Variants in ACACB observed in about 807,000 individuals in gnomAD.
ACACB encodes acetyl-CoA carboxylase 2.
In ACACB, 209 loss-of-function variants were observed where a neutral mutation model predicts 278.8. The observed-to-expected ratio is 0.75, with a 90% CI of 0.67 to 0.84. ACACB has a LOEUF of 0.84. Ranked by LOEUF, ACACB falls within the 40% of genes least tolerant of loss-of-function variation. The probability of loss-of-function intolerance (pLI) is 0.00; values close to 1 mark genes in which losing one functional copy is unlikely to be tolerated. For synonymous variants in ACACB, 1,174 were observed against 1,285.6 expected (o/e 0.91, Z 1.86); for missense variants, 2,850 against 3,269.0 (o/e 0.87, Z 3.13).
intron 27 of ACACB, among the ~76,000 whole-genome samples, chr12:109,226,773 C>G (rs868716971): frequency 6.6e-6 from 1 of 151,440 alleles, no homozygotes; most frequent in South Asian, 2.1e-4. Context: ...TACGTCCGTG[C>G]TAACAGCAGA....
At chr12:109,182,584 G>T (rs979473172) in intron 11 of ACACB, among the ~76,000 whole-genome samples, 6 of 151,922 alleles carry the variant, frequency 3.9e-5, no homozygotes, top group Non-Finnish European at 7.4e-5. Context: ...TGTCTAGGCT[G>T]GTCTCAAACT....
Position 109,141,050 on chromosome 12 carries a change from C to T in ACACB, c.653+992C>T, listed in dbSNP as rs190563408. Among the ~76,000 whole-genome samples, 1,311 of 151,968 alleles carry T rather than the reference C, an allele frequency of 8.6e-3. 25 individuals carry two copies. The highest frequency in any genetic ancestry group is 0.011 in the Non-Finnish European group (779 of 67,958). On this transcript the variant is annotated intron_variant, in intron 2 of 52. Coordinates refer to ENST00000338432, the MANE Select transcript of ACACB (RefSeq NM_001093.4). The stretch of plus-strand genomic sequence containing the variant: ...CTGGGTAGCTGGGACTACAGGTGTG[C>T]ACCACCACACCTAGCTAATTTTTAA...
At chr12:109,188,232 T>TCTTC in intron 13 of ACACB, 70 bp downstream of exon 13, 1 of 1,387,094 alleles carries the variant, frequency 7.2e-7, no homozygotes, top group South Asian at 1.3e-5. Context: ...CTTCCTTCCT[T>TCTTC]CCCTCTCTCC....
chr12:109,111,912 A>G (rs2042302578), upstream of ACACB, among the ~76,000 whole-genome samples: 2 of 152,198 alleles, frequency 1.3e-5, no homozygotes, highest in East Asian at 1.9e-4. Flanking sequence ...GTGGTCAGCA[A>G]GCTGGCTTTC....
chr12:109,140,658 A>G (rs1220248861), intron 2 of ACACB, among the ~76,000 whole-genome samples: 1 of 152,180 alleles, frequency 6.6e-6, no homozygotes, highest in African/African-American at 2.4e-5. Flanking sequence ...CCTTGTCTCA[A>G]AAAAGGAAAA....
Position 109,266,958 on chromosome 12 carries a change from G to C in ACACB, c.*596G>C, listed in dbSNP as rs1202265913. On this transcript the variant is annotated 3_prime_UTR_variant, in exon 53 of 53. Coordinates refer to ENST00000338432, the MANE Select transcript of ACACB (RefSeq NM_001093.4). ...CTCACTGTGTCATGCAGGCTGGAGT[G>C]CAGTGGCATGATCTCACTGCAACCT... The C allele has an allele frequency of 6.9e-6, 1 of 145,558 alleles. No homozygotes were observed. Among genetic ancestry groups the C allele is most frequent in the Admixed American group, 7.1e-5 (1 of 14,156 alleles). 9.0% of individuals were successfully genotyped at this position (145,558 alleles called of 1,614,324 possible). A position where few individuals can be genotyped will look rare whatever the true frequency, so the allele number is the denominator to read the frequency against.
At position 109,166,858 on chromosome 12, in the gene ACACB, C is replaced by T. The variant is rs2043923003; in HGVS notation, c.654-3C>T. 1.2e-6 allele frequency: 2 copies of T among 1,613,942 alleles called. No individual in the cohort carries two copies. The highest frequency in any genetic ancestry group is 1.3e-5 in the African/African-American group (1 of 74,960). On this transcript the variant is annotated splice_region_variant and splice_polypyrimidine_tract_variant and intron_variant, in intron 2 of 52. Coordinates refer to ENST00000338432, the MANE Select transcript of ACACB (RefSeq NM_001093.4). The stretch of plus-strand genomic sequence containing the variant: ...ACGTCTGTCCCTCATTCTTATTCTG[C>T]AGGCCGAGCATGTCGGGACTCCACC...
rs751436233 is a variant in ACACB at position 109,264,281 on chromosome 12, A to G, written c.6837A>G (p.Leu2279=). 14 of 1,614,058 alleles carry G rather than the reference A, an allele frequency of 8.7e-6. No homozygotes were observed. The highest frequency in any genetic ancestry group is 2.2e-5 in the South Asian group (2 of 91,088). Residue 2279 remains leucine, a synonymous_variant, in exon 50 of 53, where the codon CTA becomes CTG. Coordinates refer to ENST00000338432, the MANE Select transcript of ACACB (RefSeq NM_001093.4). The stretch of plus-strand genomic sequence containing the variant: ...ACCGAAAGGACCTGGAGGGCCGGCT[A>G]AAGGCTCGCGAGGACCTGCTGCTCC... The part of the protein sequence containing the change: ...DKDRKDLEGR[L]KAREDLLLPI...
intron 11 of ACACB, among the ~76,000 whole-genome samples, chr12:109,183,646 T>G (rs2044555015): frequency 6.6e-6 from 1 of 152,354 alleles, no homozygotes; most frequent in East Asian, 1.9e-4. Flanking sequence ...TCCTGTAGAT[T>G]TACTGAATTT....
chr12:109,144,745 TC>T (rs2136047894), intron 2 of ACACB, among the ~76,000 whole-genome samples: 2 of 46,562 alleles, frequency 4.3e-5, no homozygotes, highest in African/African-American at 6.5e-5. Context: ...TCTTTTTCTT[TC>T]TTTCTTTCTT....
intron 16 of ACACB, 68 bp from the exon 17 acceptor site, chr12:109,196,940 G>A: frequency 6.9e-7 from 1 of 1,452,418 alleles, no homozygotes; most frequent in Non-Finnish European, 9.0e-7. Flanking sequence ...TTTGTTGTTA[G>A]CGGGGCCCAG....
At chr12:109,244,308 C>A (rs1012902990) in intron 37 of ACACB, among the ~76,000 whole-genome samples, 2 of 152,136 alleles carry the variant, frequency 1.3e-5, no homozygotes, top group African/African-American at 4.8e-5. Flanking sequence ...GGCCTCAGCT[C>A]GAATGCTGGA....
chr12:109,202,346 G>T (rs189667993), intron 19 of ACACB, among the ~76,000 whole-genome samples: 1 of 151,648 alleles, frequency 6.6e-6, no homozygotes, highest in Non-Finnish European at 1.5e-5. Context: ...ACAGACTCTC[G>T]CTCTGTCGCC....
intron 11 of ACACB, among the ~76,000 whole-genome samples, chr12:109,184,698 G>A (rs900212624): frequency 1.3e-5 from 2 of 150,624 alleles, no homozygotes; most frequent in Non-Finnish European, 2.9e-5. Context: ...CTTGACATTG[G>A]CATTAAAATT....
chr12:109,222,692 A>T (rs1489104215), intron 25 of ACACB, 72 bp downstream of exon 25: 2 of 1,521,082 alleles, frequency 1.3e-6, no homozygotes, highest in Non-Finnish European at 1.8e-6. Flanking sequence ...TACCGTGCTC[A>T]GCCCTCACCA....
chr12:109,202,639 T>C (rs1363738344), intron 19 of ACACB, among the ~76,000 whole-genome samples: 1 of 152,194 alleles, frequency 6.6e-6, no homozygotes, highest in Non-Finnish European at 1.5e-5. Flanking sequence ...TTGTTATCAA[T>C]TTACTGTTAT....
At chr12:109,209,836 T>C (rs972889912) in intron 21 of ACACB, among the ~76,000 whole-genome samples, 2 of 143,138 alleles carry the variant, frequency 1.4e-5, no homozygotes, top group South Asian at 2.2e-4. Flanking sequence ...TATATACACA[T>C]ACACACACGT....
At chr12:109,112,248 ATATG>A (rs1283520886), upstream of ACACB, among the ~76,000 whole-genome samples, 2 of 148,796 alleles carry the variant, frequency 1.3e-5, no homozygotes, top group African/African-American at 2.5e-5. Flanking sequence ...AGTTCAATAT[ATATG>A]TATGTATATT....
chr12:109,150,910 G>C (rs1338630933), intron 2 of ACACB, among the ~76,000 whole-genome samples: 1 of 151,550 alleles, frequency 6.6e-6, no homozygotes, highest in Non-Finnish European at 1.5e-5. Flanking sequence ...CTCTTTTCAA[G>C]TCTCTTTAGC....
Sources: gnomAD v4.1 joint callset for allele counts (sites outside exome capture counted in the v4.1 genomes callset) on GRCh38, gnomAD v4.1.1 for gene constraint, MANE v1.5 for transcripts, NCBI Gene and HGNC (gene_info 2026-07-23, HGNC 2026-07-21) for gene names.